The following RAB40C variants were observed in gnomAD, a reference collection of about 807,000 sequenced individuals.
The protein encoded by RAB40C is ras-related protein Rab-40C.
RAB40C carries 8 observed loss-of-function variants against 28.1 expected under a neutral mutation model. The ratio of observed to expected loss-of-function variants is 0.28; its 90% confidence interval spans 0.17 to 0.51. RAB40C has a LOEUF of 0.51. Ranked by LOEUF, RAB40C falls within the 20% of genes least tolerant of loss-of-function variation. The pLI, the probability that RAB40C is intolerant of heterozygous loss-of-function variation, is 0.97. For synonymous variants in RAB40C, 201 were observed against 171.7 expected (o/e 1.17, Z -1.34); for missense variants, 288 against 405.9 (o/e 0.71, Z 2.50).
At chr16:592,579 T>A (rs574447398) in intron 1 of RAB40C, among the ~76,000 whole-genome samples, 57 of 152,342 alleles carry the variant, frequency 3.7e-4, no homozygotes, top group Non-Finnish European at 6.5e-4. Context: ...CCAGAATTGG[T>A]AACTCCTGAC....
Position 622,784 on chromosome 16 carries a change from G to A in RAB40C, c.265-2648G>A, listed in dbSNP as rs910666161. On this transcript the variant is annotated intron_variant, in intron 3 of 5. Coordinates refer to ENST00000248139, the MANE Select transcript of RAB40C (RefSeq NM_021168.5). ...CTCCCAAAGTGCTGGGATCGCAGGCGTGAGCCACGGCGCCTGGCCGAAGTC... is the reference window on the plus strand; with the variant it reads ...CTCCCAAAGTGCTGGGATCGCAGGCATGAGCCACGGCGCCTGGCCGAAGTC... Among the ~76,000 whole-genome samples the A allele has an allele frequency of 1.8e-4, 28 of 152,226 alleles. 1 individual carries two copies. The highest frequency in any genetic ancestry group is 6.5e-4 in the African/African-American group (27 of 41,456).
chr16:610,667 C>T lies in RAB40C; in HGVS notation c.143-6541C>T, dbSNP rs1016945771. 3.3e-5 allele frequency among the ~76,000 whole-genome samples: 5 copies of T among 152,120 alleles called. No individual in the cohort carries two copies. Among genetic ancestry groups the T allele is most frequent in the African/African-American group, 4.8e-5 (2 of 41,418 alleles). The stretch of plus-strand genomic sequence containing the variant: ...GAGCCCACTGCCCCTGCCCCTGCGC[C>T]GTCCCCCAGCGCGGGCTCCAGGCCT... On this transcript the variant is annotated intron_variant, in intron 1 of 5. Transcript: ENST00000248139. The surrounding 1 kb of genome is among the most constrained non-coding windows in gnomAD (Gnocchi z 4.6).
intron 1 of RAB40C, among the ~76,000 whole-genome samples, chr16:616,321 G>T (rs557162405): frequency 1.7e-5 from 2 of 119,454 alleles, no homozygotes; most frequent in Non-Finnish European, 3.5e-5. Context: ...TCCAGAGTCC[G>T]GAGAAGCAGC....
intron 2 of RAB40C, among the ~76,000 whole-genome samples, chr16:617,865 T>C (rs1460901298): frequency 6.6e-6 from 1 of 151,926 alleles, no homozygotes; most frequent in East Asian, 1.9e-4. Context: ...AAAAAAAGCA[T>C]TTCCCAGAAC....
intron 1 of RAB40C, among the ~76,000 whole-genome samples, chr16:596,958 G>T (rs1026662080): frequency 6.6e-6 from 1 of 152,208 alleles, no homozygotes; most frequent in Non-Finnish European, 1.5e-5. Context: ...TTTGAGTAAA[G>T]CAGAGATTTC....
At chr16:590,788 CTGG>C (rs2035978084) in intron 1 of RAB40C, among the ~76,000 whole-genome samples, 1 of 150,606 alleles carries the variant, frequency 6.6e-6, no homozygotes, top group African/African-American at 2.4e-5. Flanking sequence ...TGTCATGGGC[CTGG>C]GGAAGGTGTC....
chr16:592,379 C>G (rs1418662760), intron 1 of RAB40C, among the ~76,000 whole-genome samples: 1 of 152,226 alleles, frequency 6.6e-6, no homozygotes, highest in Admixed American at 6.5e-5. Context: ...CAGTGGGCAG[C>G]AGCACCGGGG....
intron 3 of RAB40C, among the ~76,000 whole-genome samples, chr16:619,192 C>T (rs1157483025): frequency 2.9e-5 from 4 of 136,016 alleles, no homozygotes; most frequent in Admixed American, 1.5e-4. Flanking sequence ...GTAGTGGGTG[C>T]ACTCAGGGCC....
At chr16:620,341 C>T (rs533364315) in intron 3 of RAB40C, among the ~76,000 whole-genome samples, 2 of 147,772 alleles carry the variant, frequency 1.4e-5, no homozygotes, top group East Asian at 2.0e-4. Flanking sequence ...TGCAGTGAGC[C>T]GAGATTGTGC....
rs1430814944 is a variant in RAB40C, at chr16:625,468, T to G, written c.301T>G (p.Ser101Ala). ...GGTGTATGACATCACCAACCGCTGG[T>G]CCTTTGACGGCATCGACCGCTGGAT... The part of the protein sequence containing the change: ...LLVYDITNRW[S>A]FDGIDRWIKE... The change falls in exon 4 of 6, where the codon TCC (serine) becomes GCC (alanine). Residue 101 changes from serine (S) to alanine (A), a missense_variant. This residue lies in a region of RAB40C where 153 missense variants were observed against 262.4 expected (regional missense o/e 0.58). Coordinates refer to ENST00000248139, the MANE Select transcript of RAB40C (RefSeq NM_021168.5). 6.2e-7 allele frequency: 1 copy of G among 1,613,562 alleles called. No homozygotes were observed. The highest frequency in any genetic ancestry group is 8.5e-7 in the Non-Finnish European group (1 of 1,179,950).
intron 1 of RAB40C, among the ~76,000 whole-genome samples, chr16:608,753 G>C (rs1470362311): frequency 4.6e-5 from 7 of 152,140 alleles, no homozygotes; most frequent in Non-Finnish European, 2.9e-5. Context: ...GGCACCTGTA[G>C]TCCCCACTCC....
At chr16:590,725 C>T (rs1213587772) in intron 1 of RAB40C, among the ~76,000 whole-genome samples, 1 of 152,060 alleles carries the variant, frequency 6.6e-6, no homozygotes, top group African/African-American at 2.4e-5. Flanking sequence ...GGGAAGGTGT[C>T]ATGGGTCCGG....
intron 3 of RAB40C, chr16:624,496 C>G: frequency 1.0e-6 from 1 of 985,484 alleles, no homozygotes; most frequent in Non-Finnish European, 1.2e-6. Flanking sequence ...TAATGTCAAC[C>G]TTGTTCTAAA....
chr16:627,060 G>A (rs1425908635), intron 5 of RAB40C, among the ~76,000 whole-genome samples: 1 of 152,250 alleles, frequency 6.6e-6, no homozygotes, highest in Non-Finnish European at 1.5e-5. Flanking sequence ...ACTGGGAGCT[G>A]CATCATCCAG....
At chr16:619,370 G>A (rs1167494620) in intron 3 of RAB40C, among the ~76,000 whole-genome samples, 1 of 152,060 alleles carries the variant, frequency 6.6e-6, no homozygotes, top group Admixed American at 6.6e-5. Context: ...CGGGGGCACT[G>A]GGGCCATGTG....
chr16:624,491 T>A, intron 3 of RAB40C: 1 of 985,492 alleles, frequency 1.0e-6, no homozygotes, highest in South Asian at 4.7e-5. Flanking sequence ...CTTAGTAATG[T>A]CAACCTTGTT....
chr16:624,595 C>T (rs1275520737), intron 3 of RAB40C: 16 of 985,254 alleles, frequency 1.6e-5, no homozygotes, highest in Non-Finnish European at 1.9e-5. Flanking sequence ...TGGACAGTGC[C>T]CTCTTCTTTC....
At position 625,337 on chromosome 16, in the gene RAB40C, G is replaced by T. The variant is rs1009720617; in HGVS notation, c.265-95G>T. On this transcript the variant is annotated intron_variant, in intron 3 of 5. Coordinates refer to ENST00000248139, the MANE Select transcript of RAB40C (RefSeq NM_021168.5). ...CCAAGTAATAAGCATCCTTGGCCCT[G>T]CCCGGGAACTGAGGCCCCTGCACCT... 2.6e-6 allele frequency: 4 copies of T among 1,543,114 alleles called. No individual in the cohort carries two copies. In the African/African-American group the frequency reaches 5.5e-5, roughly 21 times the overall value.
chr16:615,375 C>T (rs979976402), intron 1 of RAB40C, among the ~76,000 whole-genome samples: 4 of 152,214 alleles, frequency 2.6e-5, no homozygotes, highest in African/African-American at 7.2e-5. Context: ...TGCACAGACA[C>T]ACACACAAGC....
Sources: allele counts gnomAD v4.1 joint callset (sites outside exome capture counted in the v4.1 genomes callset), GRCh38; gene constraint gnomAD v4.1.1; regional missense constraint gnomAD v4.1.1; non-coding constraint Gnocchi (gnomAD v3.1); transcripts MANE v1.5; gene names NCBI Gene and HGNC (gene_info 2026-07-23, HGNC 2026-07-21).